Variants in ST18 observed in about 807,000 individuals in gnomAD.
ST18 encodes suppression of tumorigenicity 18 protein.
Under a neutral mutation model 110.0 loss-of-function variants are expected in ST18, and 50 were observed. The observed-to-expected ratio is 0.45, with a 90% CI of 0.36 to 0.58. ST18 has a LOEUF of 0.58. Ranked by LOEUF, ST18 falls within the 20% of genes least tolerant of loss-of-function variation. The pLI is 0.00. For missense variants in ST18, 1,306 were observed against 1,280.1 expected, an observed-to-expected ratio of 1.02 and a Z score of -0.31; for synonymous variants, 461 against 452.4, an observed-to-expected ratio of 1.02 and a Z score of -0.24.
intron 2 of ST18, among the ~76,000 whole-genome samples, chr8:52,361,471 C>T (rs1825716501): frequency 6.6e-6 from 1 of 152,078 alleles, no homozygotes; most frequent in Non-Finnish European, 1.5e-5. Context: ...AAACAAGGGG[C>T]CATGTCGATC....
rs1378535213 is a variant in ST18, at chr8:52,113,005, C to T, written c.*193G>A. ...TAAGATCTAATAATTGACTGCATTG[C>T]TTTTAATCCAAGAAGTCTATCATAG... On this transcript the variant is annotated 3_prime_UTR_variant, in exon 26 of 26. Transcript: ENST00000689386. The T allele has an allele frequency of 2.1e-5, 10 of 470,398 alleles. No individual in the cohort carries two copies. Among genetic ancestry groups the T allele is most frequent in the Non-Finnish European group, 3.5e-5 (10 of 284,828 alleles). The allele number at this position is 470,398 out of a possible 1,614,324, so 29.1% of individuals were successfully genotyped here.
intron 2 of ST18, among the ~76,000 whole-genome samples, chr8:52,334,043 G>A (rs527676843): frequency 6.6e-5 from 10 of 152,322 alleles, no homozygotes; most frequent in South Asian, 2.1e-4. Context: ...TCTCTCAGAC[G>A]AGGTGATAAA....
chr8:52,395,192 G>A (rs1034051374), intron 2 of ST18, among the ~76,000 whole-genome samples: 1 of 152,222 alleles, frequency 6.6e-6, no homozygotes, highest in Non-Finnish European at 1.5e-5. Context: ...ACTTCACTGA[G>A]CATCTACTGT....
intron 2 of ST18, among the ~76,000 whole-genome samples, chr8:52,280,659 A>AT (rs2095358684): frequency 6.6e-6 from 1 of 152,068 alleles, no homozygotes; most frequent in African/African-American, 2.4e-5. Flanking sequence ...TAATGACAAA[A>AT]TTTTTCGTTT....
At chr8:52,194,887 C>T (rs1480685484) in intron 8 of ST18, 3 of 152,202 alleles carry the variant, frequency 2.0e-5, no homozygotes, top group Admixed American at 2.0e-4. Flanking sequence ...TTAATCCTCA[C>T]ATGGACCAAA....
intron 2 of ST18, among the ~76,000 whole-genome samples, chr8:52,312,370 C>T (rs1439693397): frequency 1.3e-5 from 2 of 152,206 alleles, no homozygotes; most frequent in South Asian, 2.1e-4. Flanking sequence ...ATGCCACATG[C>T]TTTCAAAGGA....
At chr8:52,350,716 T>C (rs1016110820) in intron 2 of ST18, among the ~76,000 whole-genome samples, 4 of 151,728 alleles carry the variant, frequency 2.6e-5, no homozygotes, top group African/African-American at 4.8e-5. Context: ...TCACTTGATA[T>C]ATATATACTT....
At chr8:52,310,052 C>G (rs2095878611) in intron 2 of ST18, among the ~76,000 whole-genome samples, 1 of 152,180 alleles carries the variant, frequency 6.6e-6, no homozygotes, top group Non-Finnish European at 1.5e-5. Context: ...TCATTCAAAT[C>G]CTCACTTAAT....
At chr8:52,408,977 A>G (rs1845485220) in intron 2 of ST18, 1 of 152,274 alleles carries the variant, frequency 6.6e-6, no homozygotes, top group Non-Finnish European at 1.5e-5. Context: ...TCCCCGTGCA[A>G]ATATAAATCT....
chr8:52,125,989 CGCTTTGGGGA>C, intron 23 of ST18, 53 bp downstream of exon 23: 2 of 1,304,642 alleles, frequency 1.5e-6, no homozygotes, highest in Non-Finnish European at 2.1e-6. Context: ...ACACACGGAA[CGCTTTGGGGA>C]GCCAGGGTCT....
intron 2 of ST18, among the ~76,000 whole-genome samples, chr8:52,322,621 G>T (rs563175019): frequency 4.2e-4 from 64 of 152,138 alleles, no homozygotes; most frequent in Non-Finnish European, 8.8e-4. Context: ...TTGTCCTGCT[G>T]GTCCAGAGAG....
chr8:52,223,685 A>AT (rs1220084466), intron 3 of ST18, among the ~76,000 whole-genome samples: 16 of 150,196 alleles, frequency 1.1e-4, no homozygotes, highest in East Asian at 2.0e-4. Flanking sequence ...AAAGGATGTG[A>AT]TTTTTTTTTT....
chr8:52,241,813 C>T (rs556150107), intron 2 of ST18, among the ~76,000 whole-genome samples: 34 of 151,980 alleles, frequency 2.2e-4, no homozygotes, highest in Non-Finnish European at 3.8e-4. Flanking sequence ...ATTTTAATCT[C>T]TTGTGAACAT....
chr8:52,247,863 T>A (rs769360493), intron 2 of ST18, among the ~76,000 whole-genome samples: 2 of 152,192 alleles, frequency 1.3e-5, no homozygotes, highest in African/African-American at 2.4e-5. Context: ...CCCACATACA[T>A]TTTACTTGAA....
At chr8:52,225,856 T>C (rs1354740193) in intron 3 of ST18, among the ~76,000 whole-genome samples, 1 of 152,236 alleles carries the variant, frequency 6.6e-6, no homozygotes, top group Non-Finnish European at 1.5e-5. Context: ...CCAGTCTGTA[T>C]TGTTACCTTT....
intron 8 of ST18, among the ~76,000 whole-genome samples, chr8:52,184,617 G>A (rs2134395431): frequency 6.6e-6 from 1 of 152,248 alleles, no homozygotes; most frequent in African/African-American, 2.4e-5. Flanking sequence ...GACCTTTCAG[G>A]TTTCAGAAAA....
intron 2 of ST18, among the ~76,000 whole-genome samples, chr8:52,398,108 T>C (rs1196683137): frequency 6.6e-6 from 1 of 152,128 alleles, no homozygotes; most frequent in Non-Finnish European, 1.5e-5. Context: ...CAATTTCTGT[T>C]TTTGATGTTT....
intron 10 of ST18, among the ~76,000 whole-genome samples, chr8:52,167,546 G>C (rs946976377): frequency 3.3e-5 from 5 of 152,230 alleles, no homozygotes; most frequent in African/African-American, 1.2e-4. Flanking sequence ...TGTCCTGTCT[G>C]TCCAGTGCTA....
chr8:52,217,963 C>T (rs894439711), intron 5 of ST18, 62 bp from the exon 6 acceptor site: 8 of 152,162 alleles, frequency 5.3e-5, no homozygotes, highest in African/African-American at 1.7e-4. Context: ...CTCAGTTTTG[C>T]TTTCATTCAC....
Sources: gnomAD v4.1 joint callset for allele counts (sites outside exome capture counted in the v4.1 genomes callset) on GRCh38, gnomAD v4.1.1 for gene constraint, MANE v1.5 for transcripts, NCBI Gene and HGNC (gene_info 2026-07-23, HGNC 2026-07-21) for gene names.